The following KLHL7 variants were observed in gnomAD, a reference collection of about 807,000 sequenced individuals.
KLHL7 encodes the protein kelch like family member 7, also known as kelch-like protein 7.
In KLHL7, 44 loss-of-function variants were observed where a neutral mutation model predicts 67.4. That is an observed-to-expected ratio of 0.65 (90% CI 0.51 to 0.84). The LOEUF (loss-of-function observed/expected upper bound fraction) is 0.84, where lower values mean the gene tolerates loss of function less well. Among genes scored for constraint, KLHL7 ranks in the 40% least tolerant of loss-of-function variants. The pLI, the probability that KLHL7 is intolerant of heterozygous loss-of-function variation, is 0.00. For synonymous variants in KLHL7, 252 were observed against 243.3 expected (o/e 1.04, Z -0.33); for missense variants, 362 against 718.1 (o/e 0.50, Z 5.67).
intron 9 of KLHL7, among the ~76,000 whole-genome samples, chr7:23,172,465 T>C (rs1453693223): frequency 6.6e-6 from 1 of 152,212 alleles, no homozygotes; most frequent in African/African-American, 2.4e-5. Flanking sequence ...ACAGATACTA[T>C]TAATTTCCTG....
intron 4 of KLHL7, 73 bp downstream of exon 4, chr7:23,125,245 G>T: frequency 6.6e-7 from 1 of 1,514,214 alleles, no homozygotes; most frequent in East Asian, 2.3e-5. Flanking sequence ...TTTTTAAAAA[G>T]GCTGATTTTA....
intron 1 of KLHL7, among the ~76,000 whole-genome samples, chr7:23,121,864 A>G (rs1193965698): frequency 6.6e-6 from 1 of 151,872 alleles, no homozygotes; most frequent in Non-Finnish European, 1.5e-5. Flanking sequence ...TTGTATTTTT[A>G]GTAGAGGCGG....
chr7:23,132,388 C>T (rs1266639078), intron 4 of KLHL7, among the ~76,000 whole-genome samples: 1 of 152,140 alleles, frequency 6.6e-6, no homozygotes, highest in East Asian at 1.9e-4. Context: ...TTTTGATTTG[C>T]ATTTCTCTGA....
In KLHL7 at chr7:23,171,951, C is replaced by T. The variant is rs535478729; in HGVS notation, c.1380-997C>T. On this transcript the variant is annotated intron_variant, in intron 9 of 10. Coordinates refer to ENST00000339077, the MANE Select transcript of KLHL7 (RefSeq NM_001031710.3). Reference sequence around the variant, plus strand: ...GTCTCGATCGCCTGACCTCATGATCCGCCTGCCTCGGCCTCCCAACGTGGT... The same window carrying T: ...GTCTCGATCGCCTGACCTCATGATCTGCCTGCCTCGGCCTCCCAACGTGGT... Among the ~76,000 whole-genome samples, 13 of 152,318 alleles carry T rather than the reference C, an allele frequency of 8.5e-5. No homozygotes were observed. The South Asian group carries it at 2.5e-3, about 29-fold the overall frequency.
At chr7:23,139,556 T>C (rs1784106787) in intron 4 of KLHL7, among the ~76,000 whole-genome samples, 1 of 152,238 alleles carries the variant, frequency 6.6e-6, no homozygotes, top group Non-Finnish European at 1.5e-5. Flanking sequence ...CATTGGTTAG[T>C]AAATTTTACA....
At chr7:23,142,333 T>C (rs1784214805) in intron 5 of KLHL7, among the ~76,000 whole-genome samples, 1 of 152,180 alleles carries the variant, frequency 6.6e-6, no homozygotes, top group South Asian at 2.1e-4. Flanking sequence ...AGATCATATG[T>C]TTTAAGTTGC....
chr7:23,156,605 A>G (rs1480232773), intron 7 of KLHL7, among the ~76,000 whole-genome samples: 2 of 152,202 alleles, frequency 1.3e-5, no homozygotes, highest in Non-Finnish European at 2.9e-5. Context: ...ACGGGAGACT[A>G]TGCCCTGGAG....
chr7:23,165,698 G>T lies in KLHL7; in HGVS notation c.937G>T (p.Asp313Tyr). ...AGCTTCCCATCCTTTTCTGCTACAG[G>T]ATTATAGCTGGACAGACATCCGCTG... ...PQSCRYFNPK[D>Y]YSWTDIRCPF... is the part of the protein sequence containing the mutation. The change falls in exon 8 of 11, where the codon GAT becomes TAT. Residue 313 changes from aspartate to tyrosine, a missense_variant and splice_region_variant. By Grantham distance (160) the Asp-to-Tyr change is radical (BLOSUM62 -3). Around this residue, in one of 5 missense-constraint regions of KLHL7, gnomAD observed 155 missense variants for 280.8 expected, o/e 0.55. Transcript: ENST00000339077. The T allele has an allele frequency of 6.2e-7, 1 of 1,614,034 alleles. No individual in the cohort carries two copies.
intron 6 of KLHL7, among the ~76,000 whole-genome samples, chr7:23,144,934 C>CAAAA (rs776556075): frequency 1.8e-4 from 25 of 139,980 alleles, no homozygotes; most frequent in African/African-American, 3.3e-4. Context: ...TCCAACTCTC[C>CAAAA]AAAAAAAAAA....
At chr7:23,163,387 G>C (rs903263507) in intron 7 of KLHL7, among the ~76,000 whole-genome samples, 2 of 152,218 alleles carry the variant, frequency 1.3e-5, no homozygotes, top group Admixed American at 1.3e-4. Context: ...GGCCAGGCTG[G>C]TCTTGAACTC....
At position 23,174,609 on chromosome 7, in the gene KLHL7, C is replaced by A. The variant is rs1341698891; in HGVS notation, c.*311C>A. 11 of 499,210 alleles carry A rather than the reference C, an allele frequency of 2.2e-5. No homozygotes were observed. The highest frequency in any genetic ancestry group is 3.5e-5 in the Non-Finnish European group (9 of 257,004). 30.9% of individuals were successfully genotyped at this position (499,210 alleles called of 1,614,324 possible). A position where few individuals can be genotyped will look rare whatever the true frequency, so the allele number is the denominator to read the frequency against. ...TGATTTTGGCAGAATAGAAGATTGGCTCATCAGTGAAGCGCAGTATCTTAG... is the reference window on the plus strand; with the variant it reads ...TGATTTTGGCAGAATAGAAGATTGGATCATCAGTGAAGCGCAGTATCTTAG... On this transcript the variant is annotated 3_prime_UTR_variant, in exon 11 of 11. Transcript: ENST00000339077.
At chr7:23,162,738 T>C (rs1407669775) in intron 7 of KLHL7, among the ~76,000 whole-genome samples, 1 of 152,260 alleles carries the variant, frequency 6.6e-6, no homozygotes, top group African/African-American at 2.4e-5. Flanking sequence ...ATTGTCACCA[T>C]AGGTGTATGA....
At chr7:23,152,764 A>G (rs1189819417) in intron 7 of KLHL7, among the ~76,000 whole-genome samples, 1 of 152,178 alleles carries the variant, frequency 6.6e-6, no homozygotes, top group African/African-American at 2.4e-5. Context: ...AGGAATAAAA[A>G]AATTTTTAAT....
chr7:23,156,933 A>T (rs1784724362), intron 7 of KLHL7, among the ~76,000 whole-genome samples: 1 of 152,226 alleles, frequency 6.6e-6, no homozygotes, highest in African/African-American at 2.4e-5. Flanking sequence ...AAAAGAAGAG[A>T]AAAAGAAGTT....
Position 23,152,122 on chromosome 7 carries a change from C to T in KLHL7, c.849C>T (p.Gly283=), listed in dbSNP as rs768235199. Reference sequence around the variant, plus strand: ...AGGACCGAGAAGAACTTGTAGATGGCACAAGACCTAGAAGAAAGAAACATG... The same window carrying T: ...AGGACCGAGAAGAACTTGTAGATGGTACAAGACCTAGAAGAAAGAAACATG... ...SPEDREELVD[G]TRPRRKKHDY... Residue 283 remains glycine (G), a synonymous_variant, in exon 7 of 11, where the codon GGC becomes GGT. Coordinates refer to ENST00000339077, the MANE Select transcript of KLHL7 (RefSeq NM_001031710.3). 2 of 1,613,432 alleles carry T rather than the reference C, an allele frequency of 1.2e-6. No homozygotes were observed. Among genetic ancestry groups the T allele is most frequent in the Non-Finnish European group, 1.7e-6 (2 of 1,179,548 alleles).
chr7:23,159,061 T>C (rs1270857717), intron 7 of KLHL7, among the ~76,000 whole-genome samples: 1 of 152,214 alleles, frequency 6.6e-6, no homozygotes, highest in Non-Finnish European at 1.5e-5. Flanking sequence ...CCAAAAGTAT[T>C]GTATAACTGA....
chr7:23,147,286 C>T (rs1019806331), intron 6 of KLHL7, among the ~76,000 whole-genome samples: 5 of 152,084 alleles, frequency 3.3e-5, no homozygotes, highest in African/African-American at 9.6e-5. Flanking sequence ...GACAGGGTTT[C>T]GCCATGTTGG....
Position 23,167,749 on chromosome 7 carries a change from T to C in KLHL7, c.1178-87T>C, listed in dbSNP as rs1199856590. On this transcript the variant is annotated intron_variant, in intron 8 of 10. Transcript: ENST00000339077. ...GGCCGTATGACCCTAAATTCTTCCT[T>C]CCTTAACTAATAAGATCTACAGTCA... 1.4e-5 allele frequency: 17 copies of C among 1,216,450 alleles called. 1 individual carries two copies. The East Asian group carries it at 3.7e-4, about 27-fold the overall frequency. The allele number at this position is 1,216,450 out of a possible 1,614,324, so 75.4% of individuals were successfully genotyped here. A position where few individuals can be genotyped will look rare whatever the true frequency, so the allele number is the denominator to read the frequency against.
At chr7:23,140,977 TA>T (rs1317123936) in intron 5 of KLHL7, 33 bp downstream of exon 5, 2 of 1,557,166 alleles carry the variant, frequency 1.3e-6, no homozygotes, top group Admixed American at 1.7e-5. Flanking sequence ...TTTTTCTTAA[TA>T]AAAATGTCTT....
Sources: gnomAD v4.1 joint callset for allele counts (sites outside exome capture counted in the v4.1 genomes callset) on GRCh38, gnomAD v4.1.1 for gene constraint, gnomAD v4.1.1 regional missense constraint, MANE v1.5 for transcripts, NCBI Gene and HGNC (gene_info 2026-07-23, HGNC 2026-07-21) for gene names.